CLIC5: variants seen among roughly 807,000 people sequenced by gnomAD.
The protein encoded by CLIC5 is chloride intracellular channel protein 5.
Under a neutral mutation model 24.7 loss-of-function variants are expected in CLIC5, and 20 were observed. The ratio of observed to expected loss-of-function variants is 0.81; its 90% CI spans 0.57 to 1.18. The LOEUF is 1.18. Among genes scored for constraint, CLIC5 ranks in the 50% most tolerant of loss-of-function variants. The pLI is 0.00. For missense variants in CLIC5, 341 were observed against 326.1 expected (o/e 1.05, Z -0.35); for synonymous variants, 159 against 135.6 (o/e 1.17, Z -1.20).
rs140965102 is a variant in CLIC5, at chr6:46,012,980, T to A, written c.63+2500A>T. Among the ~76,000 whole-genome samples, 139 of 152,374 alleles carry A rather than the reference T, an allele frequency of 9.1e-4. 1 individual carries two copies. The highest frequency in any genetic ancestry group is 2.9e-3 in the African/African-American group (120 of 41,588). ...ATGCTGCAATCTTTCCTTCTTCTTA[T>A]CATTATCATTATCAGCAGTAGTAGT... is the stretch of plus-strand genomic sequence containing the variant. On this transcript the variant is annotated intron_variant, in intron 1 of 5. Coordinates refer to ENST00000339561, the MANE Select transcript of CLIC5 (RefSeq NM_016929.5).
chr6:46,011,594 C>T (rs1766813130), intron 1 of CLIC5, among the ~76,000 whole-genome samples: 1 of 152,188 alleles, frequency 6.6e-6, no homozygotes, highest in African/African-American at 2.4e-5. Context: ...CAGTTCCTGG[C>T]TGAAGAGACA....
At chr6:45,905,384 T>A (rs1206119056) in intron 5 of CLIC5, among the ~76,000 whole-genome samples, 2 of 152,136 alleles carry the variant, frequency 1.3e-5, no homozygotes, top group Non-Finnish European at 2.9e-5. Context: ...CATCTGTTGC[T>A]TTTTGACTTT....
intron 4 of CLIC5, among the ~76,000 whole-genome samples, chr6:45,919,345 C>A (rs1056658765): frequency 6.6e-6 from 1 of 152,110 alleles, no homozygotes; most frequent in Admixed American, 6.5e-5. Flanking sequence ...TTCTGCATTT[C>A]TTCTGTTTGC....
At chr6:45,994,277 T>G (rs1224667794) in intron 1 of CLIC5, among the ~76,000 whole-genome samples, 1 of 152,210 alleles carries the variant, frequency 6.6e-6, no homozygotes, top group Non-Finnish European at 1.5e-5. Context: ...AAAGAAAATG[T>G]GGTACATATA....
chr6:45,939,560 C>T (rs549650140), intron 4 of CLIC5, among the ~76,000 whole-genome samples: 26 of 152,200 alleles, frequency 1.7e-4, no homozygotes, highest in East Asian at 5.8e-4. Context: ...ATGATCTCAT[C>T]GCCAAATCCT....
At chr6:46,064,703 C>T (rs1383903476) in intron 1 of CLIC5, among the ~76,000 whole-genome samples, 2 of 151,266 alleles carry the variant, frequency 1.3e-5, no homozygotes, top group Admixed American at 6.6e-5. Flanking sequence ...GAAAATTAAT[C>T]GATGTATTTG....
the CLIC5 span, among the ~76,000 whole-genome samples, chr6:46,113,490 G>GC: frequency 2.0e-5 from 3 of 152,264 alleles, no homozygotes; most frequent in East Asian, 5.8e-4. Context: ...GTTTCTTACA[G>GC]CCCAGCAAGT....
intron 1 of CLIC5, among the ~76,000 whole-genome samples, chr6:46,060,791 C>A (rs1762241621): frequency 6.6e-6 from 1 of 152,092 alleles, no homozygotes; most frequent in Admixed American, 6.5e-5. Flanking sequence ...AGTCCTGTTC[C>A]ATCTCTGCGT....
chr6:45,984,218 C>A (rs954660178), intron 1 of CLIC5, among the ~76,000 whole-genome samples: 1 of 152,224 alleles, frequency 6.6e-6, no homozygotes, highest in Non-Finnish European at 1.5e-5. Context: ...GAGGAGCCAT[C>A]AGTGCATTGG....
chr6:45,907,120 C>T (rs1025224957), intron 5 of CLIC5, among the ~76,000 whole-genome samples: 1 of 152,018 alleles, frequency 6.6e-6, no homozygotes, highest in African/African-American at 2.4e-5. Context: ...GGGGAATTAT[C>T]CCAGTTTTTG....
At chr6:46,002,529 G>A (rs548642703) in intron 1 of CLIC5, among the ~76,000 whole-genome samples, 2 of 152,128 alleles carry the variant, frequency 1.3e-5, no homozygotes, top group East Asian at 3.9e-4. Context: ...CAATACTCCT[G>A]GTCTCTCTTA....
intron 1 of CLIC5, among the ~76,000 whole-genome samples, chr6:45,962,132 CAT>C (rs1764866654): frequency 6.7e-6 from 1 of 150,086 alleles, no homozygotes; most frequent in African/African-American, 2.4e-5. Context: ...AACGTATACA[CAT>C]CTTATTTTTA....
At chr6:46,049,733 A>G (rs1768052137) in intron 1 of CLIC5, among the ~76,000 whole-genome samples, 1 of 152,204 alleles carries the variant, frequency 6.6e-6, no homozygotes, top group Admixed American at 6.5e-5. Flanking sequence ...ATAGACTACA[A>G]TTTTCACTTC....
chr6:45,978,255 T>A (rs1445799162), intron 1 of CLIC5, among the ~76,000 whole-genome samples: 1 of 152,178 alleles, frequency 6.6e-6, no homozygotes, highest in Non-Finnish European at 1.5e-5. Context: ...TGGTGCCTTT[T>A]TTCCCCTCAG....
intron 1 of CLIC5, among the ~76,000 whole-genome samples, chr6:46,001,939 T>C (rs921028075): frequency 3.3e-5 from 5 of 152,194 alleles, no homozygotes; most frequent in Admixed American, 6.5e-5. Flanking sequence ...CTGATCCTGC[T>C]ACCCTTGACC....
intron 1 of CLIC5, among the ~76,000 whole-genome samples, chr6:46,054,401 T>C (rs1768190219): frequency 6.6e-6 from 1 of 152,180 alleles, no homozygotes; most frequent in Non-Finnish European, 1.5e-5. Context: ...AAGTCTTAGC[T>C]GCTACTCAAA....
intron 1 of CLIC5, among the ~76,000 whole-genome samples, chr6:45,982,426 C>A (rs1424009704): frequency 6.6e-6 from 1 of 152,044 alleles, no homozygotes; most frequent in Non-Finnish European, 1.5e-5. Context: ...AGAAAGGGAT[C>A]TTTAGGTGAT....
chr6:45,932,398 T>G (rs1763771750), intron 4 of CLIC5, among the ~76,000 whole-genome samples: 1 of 152,246 alleles, frequency 6.6e-6, no homozygotes, highest in African/African-American at 2.4e-5. Context: ...TGAGCCACCA[T>G]GCCCGGCCTA....
chr6:45,925,317 C>CT (rs10691767), intron 4 of CLIC5, among the ~76,000 whole-genome samples: 8,708 of 136,232 alleles, frequency 0.064, 670 homozygotes, highest in East Asian at 0.37. Context: ...CATTATTCCG[C>CT]TTTTTTTTTT....
Sources: allele counts gnomAD v4.1 joint callset (sites outside exome capture counted in the v4.1 genomes callset), GRCh38; gene constraint gnomAD v4.1.1; transcripts MANE v1.5; gene names NCBI Gene and HGNC (gene_info 2026-07-23, HGNC 2026-07-21).